SLC17A4: variants seen among roughly 807,000 people sequenced by gnomAD.
SLC17A4 encodes solute carrier family 17 member 4.
In SLC17A4, 33 loss-of-function variants were observed where a neutral mutation model predicts 52.5. That is an observed-to-expected ratio of 0.63 (90% confidence interval 0.48 to 0.84). The LOEUF (loss-of-function observed/expected upper bound fraction) is 0.84, where lower values mean the gene tolerates loss of function less well. Ranked by LOEUF, SLC17A4 falls within the 40% of genes least tolerant of loss-of-function variation. The pLI is 0.00. For missense variants in SLC17A4, 585 were observed against 597.1 expected (o/e 0.98, Z 0.21); for synonymous variants, 225 against 216.2 (o/e 1.04, Z -0.36).
chr6:25,757,305 A>G (rs962436935), intron 1 of SLC17A4, among the ~76,000 whole-genome samples: 3 of 152,160 alleles, frequency 2.0e-5, no homozygotes, highest in Non-Finnish European at 2.9e-5. Context: ...CACAGAGAGC[A>G]CATGGAAAAT....
At position 25,769,136 on chromosome 6, in the gene SLC17A4, C is replaced by T. The variant is rs953441174; in HGVS notation, c.243C>T (p.Pro81=). The part of the protein sequence containing the change: ...PSQPNASTER[P]STDSQGYWNE... ...AGCCCAATGCTTCCACAGAACGGCC[C>T]TCCACTGACTCCCAGGGCTACTGGA... is the stretch of plus-strand genomic sequence containing the variant. Residue 81 remains proline (P), a synonymous_variant, in exon 3 of 12, where the codon CCC becomes CCT. Coordinates refer to ENST00000377905, the MANE Select transcript of SLC17A4 (RefSeq NM_005495.3). 2 of 1,613,976 alleles carry T rather than the reference C, an allele frequency of 1.2e-6. No individual in the cohort carries two copies. Among genetic ancestry groups the T allele is most frequent in the African/African-American group, 1.3e-5 (1 of 74,894 alleles).
chr6:25,758,300 A>G lies in SLC17A4; in HGVS notation c.-37+3519A>G, dbSNP rs1761198843. On this transcript the variant is annotated intron_variant, in intron 1 of 11. Coordinates refer to ENST00000377905, the MANE Select transcript of SLC17A4 (RefSeq NM_005495.3). ...CCTGGAGTGAGAGTGAATACCTGAC[A>G]GAGAATACCAGCAACTGTCTCTAAA... Among the ~76,000 whole-genome samples, 3 of 152,236 alleles carry G rather than the reference A, an allele frequency of 2.0e-5. No individual in the cohort carries two copies. In the South Asian group the frequency reaches 6.2e-4, roughly 31 times the overall value.
intron 2 of SLC17A4, among the ~76,000 whole-genome samples, chr6:25,762,848 T>G (rs1282641602): frequency 6.6e-6 from 1 of 152,224 alleles, no homozygotes; most frequent in African/African-American, 2.4e-5. Flanking sequence ...GAAGGTCTCA[T>G]CTGTTTCTAA....
At position 25,770,857 on chromosome 6, in the gene SLC17A4, A is replaced by T. The variant is rs1762421387; in HGVS notation, c.620-69A>T. On this transcript the variant is annotated intron_variant, in intron 5 of 11. Coordinates refer to ENST00000377905, the MANE Select transcript of SLC17A4 (RefSeq NM_005495.3). ...ACCTTCACTCACTGTGCAACTCAGC[A>T]TTGTAGAAAGCACATAGAGCCCCAA... The T allele has an allele frequency of 1.2e-5, 15 of 1,218,680 alleles. No individual in the cohort carries two copies. The South Asian group carries it at 1.8e-4, about 15-fold the overall frequency. 75.5% of individuals were successfully genotyped at this position (1,218,680 alleles called of 1,614,324 possible). A position where few individuals can be genotyped will look rare whatever the true frequency, so the allele number is the denominator to read the frequency against.
rs973375943 is a variant in SLC17A4 at position 25,777,967 on chromosome 6, A to C, written c.1310A>C (p.His437Pro). ...FLKGLLQVFA[H>P]IAGAISPTAA... The stretch of plus-strand genomic sequence containing the variant: ...AAAGGACTATTGCAAGTCTTTGCAC[A>C]CATAGCTGGAGCCATCTCTCCTACT... The change falls in exon 11 of 12, where the codon CAC becomes CCC. Residue 437 changes from histidine to proline, a missense_variant. His to Pro is a moderately conservative substitution (Grantham distance 77). Coordinates refer to ENST00000377905, the MANE Select transcript of SLC17A4 (RefSeq NM_005495.3). 3 of 1,613,064 alleles carry C rather than the reference A, an allele frequency of 1.9e-6. No homozygotes were observed. In the African/African-American group the frequency reaches 4.0e-5, roughly 22 times the overall value.
rs189803115 is a variant in SLC17A4 at position 25,756,321 on chromosome 6, A to G, written c.-37+1540A>G. On this transcript the variant is annotated intron_variant, in intron 1 of 11. Transcript: ENST00000377905. ...CCTCTGCCTGGAATTGTTCTTGCTC[A>G]GCGCTGTCTCCTTCTCAGTGTTCCC... 1.9e-3 allele frequency among the ~76,000 whole-genome samples: 296 copies of G among 152,266 alleles called. 1 individual carries two copies. Among genetic ancestry groups the G allele is most frequent in the African/African-American group, 6.1e-3 (252 of 41,568 alleles).
At chr6:25,775,341 ATAG>A (rs758130666) in intron 8 of SLC17A4, among the ~76,000 whole-genome samples, 1 of 149,436 alleles carries the variant, frequency 6.7e-6, no homozygotes, top group South Asian at 2.1e-4. Context: ...TAAAAAAAAA[ATAG>A]AAAGACTGAA....
chr6:25,769,245 GA>G, intron 3 of SLC17A4, 55 bp downstream of exon 3: 2 of 1,496,774 alleles, frequency 1.3e-6, no homozygotes, highest in Admixed American at 1.8e-5. Flanking sequence ...TTGACTTAAA[GA>G]GTTATAAAAG....
In SLC17A4 at chr6:25,772,507, A is replaced by G. The variant is rs116588448; in HGVS notation, c.707-768A>G. Among the ~76,000 whole-genome samples the G allele has an allele frequency of 4.3e-3, 656 of 152,328 alleles. 2 individuals are homozygous for G. The highest frequency in any genetic ancestry group is 0.015 in the African/African-American group (611 of 41,576). ...GCTCATAAGATTTCTTAAGATTCTA[A>G]AAAGGGAATTTGAAGATGGGCCATA... is the stretch of plus-strand genomic sequence containing the variant. On this transcript the variant is annotated intron_variant, in intron 6 of 11. Transcript: ENST00000377905.
intron 5 of SLC17A4, 82 bp downstream of exon 5, chr6:25,770,553 T>C: frequency 8.2e-7 from 1 of 1,225,878 alleles, no homozygotes; most frequent in Non-Finnish European, 1.2e-6. Flanking sequence ...CAAGATCTTA[T>C]ATATCAATCT....
chr6:25,760,636 A>G (rs981229926), intron 1 of SLC17A4, among the ~76,000 whole-genome samples: 2 of 152,100 alleles, frequency 1.3e-5, no homozygotes, highest in African/African-American at 4.8e-5. Context: ...TCCATTTTCC[A>G]GGTTCTTAAC....
chr6:25,759,193 G>T (rs1014874172), intron 1 of SLC17A4, among the ~76,000 whole-genome samples: 1 of 149,418 alleles, frequency 6.7e-6, no homozygotes, highest in Non-Finnish European at 1.5e-5. Context: ...CCTTAAATTT[G>T]TTGAGACTTG....
chr6:25,762,097 C>G lies in SLC17A4; in HGVS notation c.91+44C>G, dbSNP rs147461587. ...ATCTGGTAGTAAATAAAACTAGGAT[C>G]TGTGGCACTGTAACTTGTGGTACTA... On this transcript the variant is annotated intron_variant, in intron 2 of 11. Transcript: ENST00000377905. The G allele has an allele frequency of 1.5e-5, 23 of 1,528,754 alleles. No homozygotes were observed. In the East Asian group the frequency reaches 5.3e-4, roughly 35 times the overall value. 94.7% of individuals were successfully genotyped at this position (1,528,754 alleles called of 1,614,324 possible). A position where few individuals can be genotyped will look rare whatever the true frequency, so the allele number is the denominator to read the frequency against.
intron 1 of SLC17A4, among the ~76,000 whole-genome samples, chr6:25,755,977 G>C (rs999503891): frequency 2.0e-5 from 3 of 152,122 alleles, no homozygotes; most frequent in East Asian, 1.9e-4. Flanking sequence ...CTCCAAAACA[G>C]GTCCTGAATG....
intron 10 of SLC17A4, 126 bp downstream of exon 10, chr6:25,777,085 T>C: frequency 2.0e-6 from 2 of 977,836 alleles, no homozygotes; most frequent in East Asian, 2.5e-5. Flanking sequence ...GCACCAGCTC[T>C]ACATCCTACA....
At chr6:25,760,081 T>C (rs1401145328) in intron 1 of SLC17A4, among the ~76,000 whole-genome samples, 1 of 152,204 alleles carries the variant, frequency 6.6e-6, no homozygotes, top group Non-Finnish European at 1.5e-5. Flanking sequence ...ATAGCTCATT[T>C]CCCCACATTT....
intron 1 of SLC17A4, 127 bp from the exon 2 acceptor site, chr6:25,761,800 A>C: frequency 3.5e-6 from 2 of 573,102 alleles, no homozygotes; most frequent in Non-Finnish European, 6.0e-6. Flanking sequence ...ATGACAAGTT[A>C]GTTTTCATAA....
intron 5 of SLC17A4, 75 bp downstream of exon 5, chr6:25,770,546 G>A (rs1273235921): frequency 7.8e-7 from 1 of 1,288,218 alleles, no homozygotes; most frequent in Non-Finnish European, 1.1e-6. Flanking sequence ...ACAGAACCAA[G>A]ATCTTATATA....
chr6:25,764,373 C>G (rs1761825564), intron 2 of SLC17A4, among the ~76,000 whole-genome samples: 2 of 152,176 alleles, frequency 1.3e-5, no homozygotes, highest in South Asian at 4.1e-4. Flanking sequence ...TGCCCCCCAC[C>G]ATGGGGAAGA....
Sources: allele counts gnomAD v4.1 joint callset (sites outside exome capture counted in the v4.1 genomes callset), GRCh38; gene constraint gnomAD v4.1.1; transcripts MANE v1.5; gene names NCBI Gene and HGNC (gene_info 2026-07-23, HGNC 2026-07-21).